Variants in CRLS1 observed in about 807,000 individuals in gnomAD.
The protein encoded by CRLS1 is cardiolipin synthase (CMP-forming).
CRLS1 carries 24 observed loss-of-function variants against 37.0 expected under a neutral mutation model. The ratio of observed to expected loss-of-function variants is 0.65; its 90% CI spans 0.47 to 0.91. The LOEUF is 0.91. Ranked by LOEUF, CRLS1 falls within the 40% of genes least tolerant of loss-of-function variation. CRLS1 has a pLI of 0.00. For synonymous variants in CRLS1, 135 were observed against 159.7 expected (o/e 0.85, Z 1.17); for missense variants, 373 against 395.8 (o/e 0.94, Z 0.49).
upstream of CRLS1, chr20:6,006,070 CTTGGCGGCTTCCT>C (rs2122888220): frequency 2.7e-6 from 1 of 377,292 alleles, no homozygotes; most frequent in South Asian, 1.4e-4. Context: ...GGCGTCCGCC[CTTGGCGGCTTCCT>C]GCCACCTGTA....
At chr20:6,019,512 C>CTTTTTTTTTTTTTTTTTTTTTTTT in intron 3 of CRLS1, among the ~76,000 whole-genome samples, 1 of 118,490 alleles carries the variant, frequency 8.4e-6, no homozygotes, top group Non-Finnish European at 1.7e-5. Flanking sequence ...TTTTTTGTCC[C>CTTTTTTTTTTTTTTTTTTTTTTTT]TTTTTTTTTT....
chr20:6,033,569 TAGAG>T (rs2123027941), intron 5 of CRLS1, among the ~76,000 whole-genome samples: 1 of 152,360 alleles, frequency 6.6e-6, no homozygotes, highest in South Asian at 2.1e-4. Flanking sequence ...CTCATGATGA[TAGAG>T]GGAGTCTCCA....
intron 1 of CRLS1, chr20:6,007,273 G>T: frequency 6.4e-7 from 1 of 1,552,118 alleles, no homozygotes; most frequent in Non-Finnish European, 8.7e-7. Context: ...ATGGGTTGAG[G>T]TGGCCAGATC....
At position 6,007,352 on chromosome 20, in the gene CRLS1, T is replaced by G. The variant is rs574306564; in HGVS notation, c.306+800T>G. The G allele has an allele frequency of 1.9e-6, 3 of 1,612,292 alleles. No individual in the cohort carries two copies. In the South Asian group the frequency reaches 3.3e-5, roughly 18 times the overall value. The stretch of plus-strand genomic sequence containing the variant: ...GTTTGAATGCTGGATACTTTGAAGT[T>G]GCCATATCCTGACTGAAGTCCTTCC... On this transcript the variant is annotated intron_variant, in intron 1 of 6. Coordinates refer to ENST00000378863, the MANE Select transcript of CRLS1 (RefSeq NM_019095.6).
intron 3 of CRLS1, among the ~76,000 whole-genome samples, chr20:6,020,754 C>T (rs1392281712): frequency 6.6e-6 from 1 of 151,524 alleles, no homozygotes; most frequent in Non-Finnish European, 1.5e-5. Context: ...TCCCGAGTAG[C>T]TGGGACTACA....
At chr20:6,017,393 C>T (rs1314167432) in intron 3 of CRLS1, among the ~76,000 whole-genome samples, 1 of 152,168 alleles carries the variant, frequency 6.6e-6, no homozygotes, top group African/African-American at 2.4e-5. Flanking sequence ...TTGATGTTTT[C>T]TTTAAAAAGT....
chr20:6,022,602 C>T (rs571849984), intron 3 of CRLS1, among the ~76,000 whole-genome samples: 5 of 152,090 alleles, frequency 3.3e-5, no homozygotes, highest in Admixed American at 6.5e-5. Flanking sequence ...CCTTCCAAAG[C>T]GCTCTGATTA....
chr20:6,032,790 C>G (rs1001088991), intron 5 of CRLS1, among the ~76,000 whole-genome samples: 1 of 152,112 alleles, frequency 6.6e-6, no homozygotes, highest in Non-Finnish European at 1.5e-5. Flanking sequence ...ATTCTTTTGT[C>G]CCATCTTTAA....
At chr20:6,023,395 A>G (rs1979426217) in intron 3 of CRLS1, 1 of 152,192 alleles carries the variant, frequency 6.6e-6, no homozygotes, top group African/African-American at 2.4e-5. Context: ...TAGGAATGCT[A>G]ACAGTCTGGG....
At position 6,037,194 on chromosome 20, in the gene CRLS1, A is replaced by G; in HGVS notation, c.*36A>G. Reference sequence around the variant, plus strand: ...CCCTCACTGTTAGTAAGGAAGCAGTATACATCAATGGGAACAGGGCCCATG... The same window carrying G: ...CCCTCACTGTTAGTAAGGAAGCAGTGTACATCAATGGGAACAGGGCCCATG... On this transcript the variant is annotated 3_prime_UTR_variant, in exon 7 of 7. Transcript: ENST00000378863. 6.7e-7 allele frequency: 1 copy of G among 1,489,954 alleles called. No individual in the cohort carries two copies. Among genetic ancestry groups the G allele is most frequent in the South Asian group, 1.1e-5 (1 of 88,000 alleles). 92.3% of individuals were successfully genotyped at this position (1,489,954 alleles called of 1,614,324 possible). A position where few individuals can be genotyped will look rare whatever the true frequency, so the allele number is the denominator to read the frequency against.
intron 3 of CRLS1, among the ~76,000 whole-genome samples, chr20:6,027,768 C>T (rs1461816538): frequency 2.0e-5 from 3 of 152,170 alleles, no homozygotes; most frequent in Non-Finnish European, 4.4e-5. Context: ...GGTCATCTGA[C>T]TTTCTTTCCC....
At chr20:6,034,587 T>A in intron 6 of CRLS1, 32 bp downstream of exon 6, 3 of 1,453,250 alleles carry the variant, frequency 2.1e-6, no homozygotes, top group Non-Finnish European at 2.9e-6. Context: ...TCTCTTAGAA[T>A]GTCAACAGAA....
rs1568637450 is a variant in CRLS1 at position 6,039,733 on chromosome 20, G to GT, written c.*2582dup. 12 of 104,846 alleles carry GT rather than the reference G, an allele frequency of 1.1e-4. No individual in the cohort carries two copies. The highest frequency in any genetic ancestry group is 5.6e-4 in the African/African-American group (12 of 21,606). 6.5% of individuals were successfully genotyped at this position (104,846 alleles called of 1,614,324 possible). A position where few individuals can be genotyped will look rare whatever the true frequency, so the allele number is the denominator to read the frequency against. ...GATTACAGTGGGCCCCAATAACTAG[G>GT]TTTTTTTGTTAAAAAAAAAAAAAAA... On this transcript the variant is annotated 3_prime_UTR_variant, in exon 7 of 7. Coordinates refer to ENST00000378863, the MANE Select transcript of CRLS1 (RefSeq NM_019095.6).
chr20:6,012,132 G>A (rs781173395), intron 2 of CRLS1, among the ~76,000 whole-genome samples: 5 of 152,050 alleles, frequency 3.3e-5, no homozygotes, highest in Non-Finnish European at 5.9e-5. Context: ...GATGTTTGTG[G>A]AAACCTAAGT....
At chr20:6,019,350 C>T (rs1038289806) in intron 3 of CRLS1, among the ~76,000 whole-genome samples, 7 of 151,998 alleles carry the variant, frequency 4.6e-5, no homozygotes, top group South Asian at 2.1e-4. Flanking sequence ...ATGTATCATA[C>T]GGTGTTTATG....
Position 6,039,758 on chromosome 20 carries a change from A to C in CRLS1, c.*2600A>C, listed in dbSNP as rs532124970. 4.9e-5 allele frequency: 7 copies of C among 142,976 alleles called. No homozygotes were observed. Among genetic ancestry groups the C allele is most frequent in the African/African-American group, 1.5e-4 (6 of 39,418 alleles). 8.9% of individuals were successfully genotyped at this position (142,976 alleles called of 1,614,324 possible). A position where few individuals can be genotyped will look rare whatever the true frequency, so the allele number is the denominator to read the frequency against. On this transcript the variant is annotated 3_prime_UTR_variant, in exon 7 of 7. Transcript: ENST00000378863. ...GTTTTTTTGTTAAAAAAAAAAAAAA[A>C]GGAAATGTGAACAGAGAGAGAATGC...
chr20:6,030,987 T>C (rs1022139986), intron 3 of CRLS1, among the ~76,000 whole-genome samples: 1 of 151,784 alleles, frequency 6.6e-6, no homozygotes, highest in African/African-American at 2.4e-5. Flanking sequence ...GACTAATAGC[T>C]TAAAAACATG....
chr20:6,036,515 G>A (rs1006956183), intron 6 of CRLS1, among the ~76,000 whole-genome samples: 18 of 152,324 alleles, frequency 1.2e-4, no homozygotes, highest in Admixed American at 1.2e-3. Flanking sequence ...AAATGACTCA[G>A]GTATCTTTAG....
chr20:6,006,735 T>C, intron 1 of CRLS1, 183 bp downstream of exon 1: 1 of 985,302 alleles, frequency 1.0e-6, no homozygotes, highest in Non-Finnish European at 1.2e-6. Context: ...ACCAGCGGGG[T>C]CCACCTACGG....
Sources: allele counts gnomAD v4.1 joint callset (sites outside exome capture counted in the v4.1 genomes callset), GRCh38; gene constraint gnomAD v4.1.1; transcripts MANE v1.5; gene names NCBI Gene and HGNC (gene_info 2026-07-23, HGNC 2026-07-21).